The following HEMK2 variants were observed in gnomAD, a reference collection of about 807,000 sequenced individuals.
HEMK2 encodes methyltransferase HEMK2.
At chr21:28,674,382 C>T in the HEMK2 span, among the ~76,000 whole-genome samples, 3 of 152,288 alleles carry the variant, frequency 2.0e-5, no homozygotes, top group South Asian at 6.2e-4. Flanking sequence ...ATAGACTTGT[C>T]CTGAATTCTT....
chr21:28,611,796 T>C, the HEMK2 span, among the ~76,000 whole-genome samples: 1 of 150,868 alleles, frequency 6.6e-6, no homozygotes, highest in African/African-American at 2.4e-5. Flanking sequence ...TAGTCCCAGC[T>C]ACTCAGAATG....
the HEMK2 span, among the ~76,000 whole-genome samples, chr21:28,819,865 C>T: frequency 6.2e-4 from 94 of 152,112 alleles, no homozygotes; most frequent in African/African-American, 2.2e-3. Context: ...TATTTTCTAA[C>T]GATTTCTTTA....
the HEMK2 span, among the ~76,000 whole-genome samples, chr21:28,766,171 G>A: frequency 6.6e-6 from 1 of 151,990 alleles, no homozygotes; most frequent in Non-Finnish European, 1.5e-5. Context: ...GAGGACTGGG[G>A]GAGGGATAGT....
At chr21:28,796,050 T>C in the HEMK2 span, among the ~76,000 whole-genome samples, 1 of 152,214 alleles carries the variant, frequency 6.6e-6, no homozygotes, top group South Asian at 2.1e-4. Flanking sequence ...TGAGATTTTT[T>C]ATACTGCCTT....
the HEMK2 span, among the ~76,000 whole-genome samples, chr21:28,758,635 G>T: frequency 2.6e-5 from 4 of 152,128 alleles, no homozygotes; most frequent in African/African-American, 9.7e-5. Flanking sequence ...TAATAGTAAG[G>T]CAACAAGAAT....
At chr21:28,722,113 T>C in the HEMK2 span, among the ~76,000 whole-genome samples, 1 of 151,796 alleles carries the variant, frequency 6.6e-6, no homozygotes, top group Non-Finnish European at 1.5e-5. Flanking sequence ...TGAGCCACCA[T>C]GAATGTGAGG....
chr21:28,657,116 A>AT, the HEMK2 span, among the ~76,000 whole-genome samples: 2 of 152,124 alleles, frequency 1.3e-5, no homozygotes, highest in Non-Finnish European at 2.9e-5. Context: ...AACGGTTTTC[A>AT]TACACAACTA....
At chr21:28,800,515 C>T in the HEMK2 span, among the ~76,000 whole-genome samples, 1 of 151,880 alleles carries the variant, frequency 6.6e-6, no homozygotes, top group African/African-American at 2.4e-5. Context: ...CATATATATG[C>T]TTATACACAT....
At chr21:28,818,794 G>A in the HEMK2 span, among the ~76,000 whole-genome samples, 2 of 152,160 alleles carry the variant, frequency 1.3e-5, no homozygotes, top group African/African-American at 4.8e-5. Context: ...ACCACATTGA[G>A]GCAAAGAACT....
At chr21:28,681,775 A>G in the HEMK2 span, among the ~76,000 whole-genome samples, 1 of 151,860 alleles carries the variant, frequency 6.6e-6, no homozygotes, top group Non-Finnish European at 1.5e-5. Flanking sequence ...ATTTTTGACA[A>G]ACCTGACAAA....
the HEMK2 span, among the ~76,000 whole-genome samples, chr21:28,756,219 T>C: frequency 1.3e-5 from 2 of 152,192 alleles, no homozygotes; most frequent in Admixed American, 1.3e-4. Context: ...TGGGGCCACC[T>C]AATGTCACAA....
chr21:28,661,663 C>T, the HEMK2 span, among the ~76,000 whole-genome samples: 1 of 151,722 alleles, frequency 6.6e-6, no homozygotes, highest in African/African-American at 2.4e-5. Context: ...TCATATTTCC[C>T]CTCCACCTTA....
the HEMK2 span, among the ~76,000 whole-genome samples, chr21:28,617,121 G>A: frequency 1.3e-5 from 2 of 152,176 alleles, no homozygotes; most frequent in Non-Finnish European, 2.9e-5. Flanking sequence ...GTCAGAGAGC[G>A]ACTTGGTGGC....
the HEMK2 span, among the ~76,000 whole-genome samples, chr21:28,795,903 T>TGAGA: frequency 6.6e-6 from 1 of 152,120 alleles, no homozygotes; most frequent in African/African-American, 2.4e-5. Context: ...GAAATCTGAG[T>TGAGA]GAGAAAATGA....
chr21:28,673,688 C>G, the HEMK2 span, among the ~76,000 whole-genome samples: 5 of 120,482 alleles, frequency 4.1e-5, no homozygotes, highest in Non-Finnish European at 8.3e-5. Context: ...CAAAAATAAA[C>G]TTCAGATAAA....
At chr21:28,583,677 G>C in the HEMK2 span, among the ~76,000 whole-genome samples, 2 of 152,162 alleles carry the variant, frequency 1.3e-5, no homozygotes, top group Non-Finnish European at 2.9e-5. Context: ...ATAATTGGAA[G>C]TCTTGTTAAG....
chr21:28,638,725 G>C, the HEMK2 span, among the ~76,000 whole-genome samples: 1 of 152,170 alleles, frequency 6.6e-6, no homozygotes, highest in African/African-American at 2.4e-5. Context: ...CTGGCAGCTA[G>C]ATGATCCAGG....
chr21:28,606,949 G>A, the HEMK2 span, among the ~76,000 whole-genome samples: 2 of 152,194 alleles, frequency 1.3e-5, no homozygotes, highest in Non-Finnish European at 2.9e-5. Context: ...ACTGGGGAAA[G>A]TATGACATAT....
At chr21:28,822,142 C>CT in the HEMK2 span, among the ~76,000 whole-genome samples, 11,713 of 152,240 alleles carry the variant, frequency 0.077, 489 homozygotes, top group Middle Eastern at 0.11. Context: ...ACTAGTTTAG[C>CT]CACACTCTGA....
Sources: allele counts gnomAD v4.1 joint callset (sites outside exome capture counted in the v4.1 genomes callset), GRCh38; gene constraint gnomAD v4.1.1; transcripts MANE v1.5; gene names NCBI Gene and HGNC (gene_info 2026-07-23, HGNC 2026-07-21).